PCDHA4: variants seen among roughly 807,000 people sequenced by gnomAD.
PCDHA4 encodes the protein protocadherin alpha-4.
Under a neutral mutation model 61.4 loss-of-function variants are expected in PCDHA4, and 49 were observed. The observed-to-expected ratio is 0.80, with a 90% confidence interval of 0.63 to 1.01. PCDHA4 has a LOEUF of 1.01. Among genes scored for constraint, PCDHA4 ranks in the 50% least tolerant of loss-of-function variants. The pLI is 0.00. For missense variants in PCDHA4, 1,254 were observed against 1,235.8 expected (o/e 1.01, Z -0.22); for synonymous variants, 590 against 550.3 (o/e 1.07, Z -1.01).
chr5:140,833,091 C>T (rs2150206226), intron 1 of PCDHA4, among the ~76,000 whole-genome samples: 72,266 of 151,896 alleles, frequency 0.48, 17,794 homozygotes, highest in Middle Eastern at 0.61. Flanking sequence ...GAGTACTAGA[C>T]GAGTAATTTT....
intron 1 of PCDHA4, chr5:140,842,539 G>A (rs182995378): frequency 1.2e-6 from 2 of 1,610,436 alleles, no homozygotes; most frequent in African/African-American, 1.3e-5. Context: ...ATTACTACTC[G>A]TTGGTGCTGG....
intron 3 of PCDHA4, among the ~76,000 whole-genome samples, chr5:140,991,311 G>A (rs1036350235): frequency 3.3e-5 from 5 of 152,108 alleles, no homozygotes; most frequent in Admixed American, 2.0e-4. Context: ...ATCTTGTCCC[G>A]CATGATACAT....
rs143060335 is a variant in PCDHA4 at position 140,868,584 on chromosome 5, G to A, written c.2385+59012G>A. 748 of 153,118 alleles carry A rather than the reference G, an allele frequency of 4.9e-3. 7 individuals carry two copies. Among genetic ancestry groups the A allele is most frequent in the African/African-American group, 0.016 (680 of 41,552 alleles). The allele number at this position is 153,118 out of a possible 1,614,324, so 9.5% of individuals were successfully genotyped here. A position where few individuals can be genotyped will look rare whatever the true frequency, so the allele number is the denominator to read the frequency against. Reference sequence around the variant, plus strand: ...ATGAGGAACAACACTTTCAGGAAATGTTTAACCCTAGTTTTTCATGAGGCC... The same window carrying A: ...ATGAGGAACAACACTTTCAGGAAATATTTAACCCTAGTTTTTCATGAGGCC... On this transcript the variant is annotated intron_variant, in intron 1 of 3. Transcript: ENST00000530339.
intron 1 of PCDHA4, chr5:140,836,287 G>C: frequency 6.2e-7 from 1 of 1,613,786 alleles, no homozygotes; most frequent in Non-Finnish European, 8.5e-7. Context: ...AGCACGACAC[G>C]AGCCCTAGAT....
At position 140,957,560 on chromosome 5, in the gene PCDHA4, G is replaced by A. The variant is rs940495695; in HGVS notation, c.2386-21389G>A. ...TTAGAAAGTATTCTCTGTGGAAAAGGAGGGACTACTGTACTTTTAACAAAG... is the reference window on the plus strand; with the variant it reads ...TTAGAAAGTATTCTCTGTGGAAAAGAAGGGACTACTGTACTTTTAACAAAG... On this transcript the variant is annotated intron_variant, in intron 1 of 3. Transcript: ENST00000530339. 2.0e-5 allele frequency among the ~76,000 whole-genome samples: 3 copies of A among 152,074 alleles called. No homozygotes were observed. In the East Asian group the frequency reaches 5.8e-4, roughly 29 times the overall value.
Position 140,843,241 on chromosome 5 carries a change from G to A in PCDHA4, c.2385+33669G>A, listed in dbSNP as rs2150355764. ...GCACCACTCGTGTCCTGGACGAAGC[G>A]GACTCTCCGCGCCACCGTCTGCTGG... On this transcript the variant is annotated intron_variant, in intron 1 of 3. Transcript: ENST00000530339. 3.1e-6 allele frequency: 5 copies of A among 1,595,826 alleles called. 1 individual carries two copies. The highest frequency in any genetic ancestry group is 2.7e-5 in the African/African-American group (2 of 74,416).
intron 3 of PCDHA4, among the ~76,000 whole-genome samples, chr5:140,990,073 GA>G (rs1319076601): frequency 2.6e-5 from 4 of 152,060 alleles, no homozygotes; most frequent in Non-Finnish European, 5.9e-5. Context: ...AAATAAGGGG[GA>G]CAAAGGATGC....
At chr5:140,848,899 C>T (rs1223339539) in intron 1 of PCDHA4, 1 of 1,605,974 alleles carries the variant, frequency 6.2e-7, no homozygotes, top group Admixed American at 1.7e-5. Context: ...GTGTTCCCAG[C>T]GACACAAAAG....
At chr5:140,835,618 C>T (rs1562347401) in intron 1 of PCDHA4, 1 of 1,613,946 alleles carries the variant, frequency 6.2e-7, no homozygotes, top group South Asian at 1.1e-5. Context: ...CTGGACAGCG[C>T]TCTGGACCGC....
intron 1 of PCDHA4, chr5:140,821,844 GAA>G: frequency 3.7e-6 from 6 of 1,614,176 alleles, no homozygotes; most frequent in Non-Finnish European, 5.1e-6. Context: ...TTGCCTACTG[GAA>G]GGCAGGGAGC....
At chr5:140,822,430 C>T (rs2150116302) in intron 1 of PCDHA4, 2 of 1,613,920 alleles carry the variant, frequency 1.2e-6, no homozygotes, top group Non-Finnish European at 1.7e-6. Flanking sequence ...TGGAGGAAAA[C>T]CCGAACTAAC....
intron 1 of PCDHA4, chr5:140,928,602 GC>G: frequency 1.2e-6 from 2 of 1,614,176 alleles, no homozygotes; most frequent in Non-Finnish European, 1.7e-6. Flanking sequence ...TGGAAATTGT[GC>G]CCCGCTCTGC....
intron 1 of PCDHA4, chr5:140,829,845 T>C (rs2150176027): frequency 1.3e-5 from 21 of 1,613,782 alleles, no homozygotes; most frequent in Non-Finnish European, 8.5e-7. Context: ...CCGCGGTCAC[T>C]GGGTGCAGGC....
intron 1 of PCDHA4, among the ~76,000 whole-genome samples, chr5:140,820,358 G>C (rs1243273378): frequency 2.0e-5 from 3 of 151,858 alleles, no homozygotes; most frequent in Non-Finnish European, 2.9e-5. Flanking sequence ...AATTTCCTCT[G>C]ACTTTGCATT....
intron 3 of PCDHA4, among the ~76,000 whole-genome samples, chr5:141,002,404 C>T (rs1167193365): frequency 2.0e-5 from 3 of 152,200 alleles, no homozygotes; most frequent in African/African-American, 7.2e-5. Context: ...CTCTGTGCCT[C>T]CCAAATAGTA....
At chr5:140,895,590 T>C (rs1554186569) in intron 1 of PCDHA4, among the ~76,000 whole-genome samples, 2 of 152,208 alleles carry the variant, frequency 1.3e-5, no homozygotes, top group Non-Finnish European at 2.9e-5. Context: ...ATTAGATATA[T>C]AATTTGCAAA....
rs1274160852 is a variant in PCDHA4, at chr5:140,922,009, TA to T, written c.2386-56933del. On this transcript the variant is annotated intron_variant, in intron 1 of 3. Coordinates refer to ENST00000530339, the MANE Select transcript of PCDHA4 (RefSeq NM_018907.4). ...AAAGAGTTCAATGAAATGATTAGTTTAAAAAAATAAATATAAAAAATGTAAT... is the reference window on the plus strand; with the variant it reads ...AAAGAGTTCAATGAAATGATTAGTTTAAAAAATAAATATAAAAAATGTAAT... 1.3e-5 allele frequency among the ~76,000 whole-genome samples: 2 copies of T among 152,076 alleles called. 1 individual carries two copies. The highest frequency in any genetic ancestry group is 4.8e-5 in the African/African-American group (2 of 41,508).
rs1554164701 is a variant in PCDHA4 at position 140,870,777 on chromosome 5, C to T, written c.2385+61205C>T. The T allele has an allele frequency of 3.1e-6, 5 of 1,613,610 alleles. No individual in the cohort carries two copies. In the African/African-American group the frequency reaches 4.0e-5, roughly 13 times the overall value. On this transcript the variant is annotated intron_variant, in intron 1 of 3. Coordinates refer to ENST00000530339, the MANE Select transcript of PCDHA4 (RefSeq NM_018907.4). Reference sequence around the variant, plus strand: ...TGCAGGTGTTCGTGCTGGACGAGAACGACAACGCGCCGGCACTGCTGGCGA... The same window carrying T: ...TGCAGGTGTTCGTGCTGGACGAGAATGACAACGCGCCGGCACTGCTGGCGA...
chr5:140,943,257 C>CAAAAA (rs1238620023), intron 1 of PCDHA4, among the ~76,000 whole-genome samples: 3 of 77,348 alleles, frequency 3.9e-5, no homozygotes, highest in Non-Finnish European at 5.0e-5. Context: ...GACTCTGTCT[C>CAAAAA]AAAAAAAAAA....
Sources: allele counts gnomAD v4.1 joint callset (sites outside exome capture counted in the v4.1 genomes callset), GRCh38; gene constraint gnomAD v4.1.1; transcripts MANE v1.5; gene names NCBI Gene and HGNC (gene_info 2026-07-23, HGNC 2026-07-21).